MYO3B: variants seen among roughly 807,000 people sequenced by gnomAD.
The protein encoded by MYO3B is myosin IIIB, also known as myosin-IIIb.
In MYO3B, 156 loss-of-function variants were observed where a neutral mutation model predicts 174.6. The ratio of observed to expected loss-of-function variants is 0.89; its 90% CI spans 0.78 to 1.02. The LOEUF is 1.02. Ranked by LOEUF, MYO3B falls within the 50% of genes least tolerant of loss-of-function variation. The pLI is 0.00. For synonymous variants in MYO3B, 563 were observed against 569.1 expected (o/e 0.99, Z 0.15); for missense variants, 1,632 against 1,639.4 (o/e 1.00, Z 0.08).
At chr2:170,213,261 C>A (rs913909898) in intron 3 of MYO3B, among the ~76,000 whole-genome samples, 1 of 152,150 alleles carries the variant, frequency 6.6e-6, no homozygotes, top group Non-Finnish European at 1.5e-5. Context: ...GGGCAAGACT[C>A]CTGTCTCAAG....
intron 23 of MYO3B, among the ~76,000 whole-genome samples, chr2:170,449,527 C>G (rs1381428681): frequency 6.6e-6 from 1 of 152,092 alleles, no homozygotes; most frequent in Non-Finnish European, 1.5e-5. Flanking sequence ...CCTGTAATCC[C>G]AGCACTTTGG....
intron 32 of MYO3B, among the ~76,000 whole-genome samples, chr2:170,566,103 A>G (rs779319759): frequency 5.3e-5 from 8 of 152,252 alleles, no homozygotes; most frequent in Non-Finnish European, 5.9e-5. Flanking sequence ...ACATTAAAAT[A>G]TACTTGGATT....
rs993379282 is a variant in MYO3B at position 170,537,123 on chromosome 2, C to T, written c.3576-5783C>T. On this transcript the variant is annotated intron_variant, in intron 30 of 34. Coordinates refer to ENST00000408978, the MANE Select transcript of MYO3B (RefSeq NM_138995.5). Reference sequence around the variant, plus strand: ...GGCTGAGGCAGGAGAATCGCTTGAACCTGGAGGGTGGATGTTGCAGTGAGC... The same window carrying T: ...GGCTGAGGCAGGAGAATCGCTTGAATCTGGAGGGTGGATGTTGCAGTGAGC... Among the ~76,000 whole-genome samples the T allele has an allele frequency of 1.1e-4, 16 of 149,732 alleles. No individual in the cohort carries two copies. The Admixed American group carries it at 1.1e-3, about 10-fold the overall frequency.
Position 170,383,198 on chromosome 2 carries a change from T to C in MYO3B, c.1185+9T>C, listed in dbSNP as rs768111594. On this transcript the variant is annotated intron_variant, in intron 11 of 34. Coordinates refer to ENST00000408978, the MANE Select transcript of MYO3B (RefSeq NM_138995.5). The stretch of plus-strand genomic sequence containing the variant: ...GCATATACTCTCCACAGGTAAGGGA[T>C]GTTTTAAGAGCATACTGCTCCTTAA... 3 of 1,506,308 alleles carry C rather than the reference T, an allele frequency of 2.0e-6. No individual in the cohort carries two copies. The African/African-American group carries it at 4.1e-5, about 21-fold the overall frequency. The allele number at this position is 1,506,308 out of a possible 1,614,324, so 93.3% of individuals were successfully genotyped here. A position where few individuals can be genotyped will look rare whatever the true frequency, so the allele number is the denominator to read the frequency against.
intron 22 of MYO3B, 93 bp downstream of exon 22, chr2:170,407,937 A>T: frequency 6.9e-7 from 1 of 1,454,640 alleles, no homozygotes. Flanking sequence ...CCAGGGCTGC[A>T]CCGCTAACAT....
intron 32 of MYO3B, among the ~76,000 whole-genome samples, chr2:170,574,458 A>G (rs577228928): frequency 9.8e-5 from 15 of 152,330 alleles, no homozygotes; most frequent in African/African-American, 3.4e-4. Context: ...GCTGATTTAC[A>G]TATTTTAAAA....
intron 8 of MYO3B, among the ~76,000 whole-genome samples, chr2:170,365,977 G>C (rs905821690): frequency 6.6e-6 from 1 of 152,116 alleles, no homozygotes; most frequent in African/African-American, 2.4e-5. Flanking sequence ...GGGGAGTGAG[G>C]CTCTTTGTTT....
At chr2:170,553,911 C>A (rs1216287068) in intron 32 of MYO3B, among the ~76,000 whole-genome samples, 1 of 152,166 alleles carries the variant, frequency 6.6e-6, no homozygotes, top group Non-Finnish European at 1.5e-5. Flanking sequence ...AGCACTTCCC[C>A]CTTCCCTCTG....
Position 170,391,615 on chromosome 2 carries a change from C to T in MYO3B, c.1673C>T (p.Pro558Leu), listed in dbSNP as rs2094412432. ...TTCAGACTTCCTGAGGAAAAACCTC[C>T]TAGGTAAGTGTCAGGGGGGTTGGTT... ...SDFRLPEEKP[P>L]RYIADETGRV... Residue 558 changes from proline (P) to leucine (L), a missense_variant, in exon 15 of 35, where the codon CCT (proline) becomes CTT (leucine). By Grantham distance (98) the Pro-to-Leu change is moderately conservative. Transcript: ENST00000408978. 1 of 1,556,628 alleles carries T rather than the reference C, an allele frequency of 6.4e-7. No homozygotes were observed. Among genetic ancestry groups the T allele is most frequent in the African/African-American group, 1.4e-5 (1 of 72,242 alleles).
At chr2:170,294,784 A>G (rs957147746) in intron 7 of MYO3B, among the ~76,000 whole-genome samples, 5 of 152,152 alleles carry the variant, frequency 3.3e-5, no homozygotes, top group Non-Finnish European at 7.4e-5. Flanking sequence ...AAGATAAACT[A>G]TGGACTTTGA....
rs551029901 is a variant in MYO3B at position 170,597,579 on chromosome 2, T to G, written c.3733+53591T>G. ...TCAATTCTATGATTCCCTGACTTCCTTCCAGTGAATTTCCTTTTTGCATAA... is the reference window on the plus strand; with the variant it reads ...TCAATTCTATGATTCCCTGACTTCCGTCCAGTGAATTTCCTTTTTGCATAA... On this transcript the variant is annotated intron_variant, in intron 32 of 34. Coordinates refer to ENST00000408978, the MANE Select transcript of MYO3B (RefSeq NM_138995.5). Among the ~76,000 whole-genome samples the G allele has an allele frequency of 3.9e-5, 6 of 152,172 alleles. No individual in the cohort carries two copies. The South Asian group carries it at 1.2e-3, about 32-fold the overall frequency.
At chr2:170,624,198 T>C (rs1696188911) in intron 32 of MYO3B, among the ~76,000 whole-genome samples, 1 of 152,220 alleles carries the variant, frequency 6.6e-6, no homozygotes, top group Non-Finnish European at 1.5e-5. Context: ...ATTCTTCCTA[T>C]CCATGAGCAT....
intron 9 of MYO3B, among the ~76,000 whole-genome samples, chr2:170,381,426 T>G (rs1483588667): frequency 6.6e-6 from 1 of 152,174 alleles, no homozygotes; most frequent in Non-Finnish European, 1.5e-5. Context: ...GACCAATATT[T>G]AAAAATAGAC....
At chr2:170,269,238 G>C (rs543257470) in intron 7 of MYO3B, among the ~76,000 whole-genome samples, 1 of 152,126 alleles carries the variant, frequency 6.6e-6, no homozygotes, top group African/African-American at 2.4e-5. Flanking sequence ...GGCTCCAGAG[G>C]TAGCCTAGGA....
At chr2:170,200,007 T>G in intron 2 of MYO3B, 143 bp from the exon 3 acceptor site, 1 of 614,186 alleles carries the variant, frequency 1.6e-6, no homozygotes. Flanking sequence ...TGAATGTCCA[T>G]TGTTAGATAT....
chr2:170,496,310 CAGG>C (rs1212956289), intron 25 of MYO3B, among the ~76,000 whole-genome samples: 1 of 152,118 alleles, frequency 6.6e-6, no homozygotes, highest in Non-Finnish European at 1.5e-5. Context: ...CTTCCATAAA[CAGG>C]AAGATATGGA....
intron 32 of MYO3B, among the ~76,000 whole-genome samples, chr2:170,629,127 T>G (rs1156437576): frequency 2.0e-5 from 3 of 152,232 alleles, no homozygotes; most frequent in Non-Finnish European, 4.4e-5. Flanking sequence ...GACCTCCGAT[T>G]AATACACTGT....
chr2:170,492,093 C>G (rs1185829074), intron 25 of MYO3B, among the ~76,000 whole-genome samples: 2 of 151,768 alleles, frequency 1.3e-5, no homozygotes. Context: ...TTAGGTAGAA[C>G]CAGAGCTGTG....
At chr2:170,630,777 A>C (rs1696891363) in intron 32 of MYO3B, among the ~76,000 whole-genome samples, 1 of 152,198 alleles carries the variant, frequency 6.6e-6, no homozygotes, top group Non-Finnish European at 1.5e-5. Context: ...TCTGGAGTGG[A>C]CCTCCAACAA....
Sources: allele counts gnomAD v4.1 joint callset (sites outside exome capture counted in the v4.1 genomes callset), GRCh38; gene constraint gnomAD v4.1.1; transcripts MANE v1.5; gene names NCBI Gene and HGNC (gene_info 2026-07-23, HGNC 2026-07-21).